ASIC2: variants seen among roughly 807,000 people sequenced by gnomAD.
The protein encoded by ASIC2 is acid sensing ion channel subunit 2.
ASIC2 carries 25 observed loss-of-function variants against 57.3 expected under a neutral mutation model. The ratio of observed to expected loss-of-function variants is 0.44; its 90% CI spans 0.32 to 0.61. The LOEUF (loss-of-function observed/expected upper bound fraction) is 0.61, where lower values mean the gene tolerates loss of function less well. Ranked by LOEUF, ASIC2 falls within the 20% of genes least tolerant of loss-of-function variation. The probability of loss-of-function intolerance (pLI) is 0.06; values close to 1 mark genes in which losing one functional copy is unlikely to be tolerated. For synonymous variants in ASIC2, 319 were observed against 307.5 expected, an observed-to-expected ratio of 1.04 and a Z score of -0.39; for missense variants, 641 against 738.1, an observed-to-expected ratio of 0.87 and a Z score of 1.52.
chr17:34,039,298 T>C, intron 1 of ASIC2: 2 of 1,613,976 alleles, frequency 1.2e-6, no homozygotes, highest in South Asian at 1.1e-5. Context: ...GCAGGAATGC[T>C]CTGTGTTGCC....
chr17:33,598,746 C>T (rs1905047654), intron 1 of ASIC2, among the ~76,000 whole-genome samples: 1 of 152,166 alleles, frequency 6.6e-6, no homozygotes. Flanking sequence ...AATACCAGTG[C>T]TGGGCTGTAA....
intron 1 of ASIC2, among the ~76,000 whole-genome samples, chr17:34,076,634 A>G (rs542248771): frequency 1.3e-5 from 2 of 152,312 alleles, no homozygotes; most frequent in East Asian, 3.9e-4. Context: ...CTCATTGTTC[A>G]TAATTTGTCT....
chr17:34,128,632 T>C (rs566382647), intron 1 of ASIC2, among the ~76,000 whole-genome samples: 125 of 152,356 alleles, frequency 8.2e-4, no homozygotes, highest in African/African-American at 2.9e-3. Flanking sequence ...GTTCTAGCAC[T>C]AGAACTGTGC....
At chr17:33,535,832 G>T (rs1915210702) in intron 1 of ASIC2, among the ~76,000 whole-genome samples, 1 of 152,218 alleles carries the variant, frequency 6.6e-6, no homozygotes, top group East Asian at 1.9e-4. Context: ...ATGACCACGT[G>T]AAACAGAGTT....
chr17:33,718,073 T>TCTCCCTGTG (rs1275075878), intron 1 of ASIC2, among the ~76,000 whole-genome samples: 1 of 152,088 alleles, frequency 6.6e-6, no homozygotes, highest in Non-Finnish European at 1.5e-5. Flanking sequence ...AGGACACCCC[T>TCTCCCTGTG]CTCCCTGTGC....
intron 1 of ASIC2, among the ~76,000 whole-genome samples, chr17:33,928,765 G>A (rs1915873617): frequency 6.6e-6 from 1 of 152,132 alleles, no homozygotes; most frequent in Admixed American, 6.5e-5. Flanking sequence ...CAGGAAAATG[G>A]AGCAGATCCA....
chr17:33,317,280 C>A (rs969246861), intron 1 of ASIC2, among the ~76,000 whole-genome samples: 1 of 152,158 alleles, frequency 6.6e-6, no homozygotes, highest in African/African-American at 2.4e-5. Flanking sequence ...GCAGTTCCTC[C>A]TGCTGCAATC....
At chr17:33,957,319 C>T (rs759870318) in intron 1 of ASIC2, among the ~76,000 whole-genome samples, 29 of 152,190 alleles carry the variant, frequency 1.9e-4, no homozygotes, top group Non-Finnish European at 2.5e-4. Flanking sequence ...AATATGGAAA[C>T]TAGCCTGACT....
intron 1 of ASIC2, among the ~76,000 whole-genome samples, chr17:33,217,267 A>G (rs1907526799): frequency 6.6e-6 from 1 of 152,200 alleles, no homozygotes; most frequent in African/African-American, 2.4e-5. Context: ...AGAGAGCTAT[A>G]AAAGTTCAGT....
chr17:33,533,440 A>G (rs1422416016), intron 1 of ASIC2: 1 of 152,214 alleles, frequency 6.6e-6, no homozygotes, highest in Non-Finnish European at 1.5e-5. Context: ...ATTTTCTTAA[A>G]GTGCCCTACC....
intron 1 of ASIC2, among the ~76,000 whole-genome samples, chr17:33,544,621 T>C (rs556040387): frequency 1.9e-4 from 29 of 152,310 alleles, no homozygotes; most frequent in Middle Eastern, 3.4e-3. Context: ...GACTCTAAGA[T>C]GCCATCAATT....
intron 1 of ASIC2, among the ~76,000 whole-genome samples, chr17:33,444,675 G>A (rs185126495): frequency 2.0e-5 from 3 of 152,260 alleles, no homozygotes; most frequent in East Asian, 1.9e-4. Flanking sequence ...TGCACTGGCC[G>A]CAGGGAAGGG....
intron 1 of ASIC2, among the ~76,000 whole-genome samples, chr17:33,621,233 T>A (rs1363649331): frequency 6.6e-6 from 1 of 152,198 alleles, no homozygotes; most frequent in South Asian, 2.1e-4. Context: ...ACGTAAGTAA[T>A]ATAATAGAAT....
At chr17:33,195,177 C>G (rs895441106) in intron 1 of ASIC2, among the ~76,000 whole-genome samples, 1 of 152,182 alleles carries the variant, frequency 6.6e-6, no homozygotes, top group African/African-American at 2.4e-5. Flanking sequence ...CAACCCCAAC[C>G]TCCCTGAGCA....
At chr17:33,263,254 G>A (rs1193439307) in intron 1 of ASIC2, among the ~76,000 whole-genome samples, 1 of 152,186 alleles carries the variant, frequency 6.6e-6, no homozygotes, top group Non-Finnish European at 1.5e-5. Flanking sequence ...TTCACCCGCT[G>A]TCTCTCTAAG....
At chr17:33,657,682 G>A (rs536892847) in intron 1 of ASIC2, among the ~76,000 whole-genome samples, 10 of 144,864 alleles carry the variant, frequency 6.9e-5, no homozygotes, top group Non-Finnish European at 1.2e-4. Context: ...CAGCTCCCCC[G>A]AAAGCTTATA....
At chr17:33,783,097 A>G (rs1352731957) in intron 1 of ASIC2, among the ~76,000 whole-genome samples, 1 of 152,110 alleles carries the variant, frequency 6.6e-6, no homozygotes, top group Non-Finnish European at 1.5e-5. Context: ...TTTTCACCCC[A>G]TCACTTTCCA....
chr17:34,094,013 C>G (rs945484918), intron 1 of ASIC2, among the ~76,000 whole-genome samples: 32 of 152,138 alleles, frequency 2.1e-4, no homozygotes, highest in African/African-American at 2.4e-5. Context: ...ACAACGGAGG[C>G]ACCTGATGGT....
intron 1 of ASIC2, chr17:34,036,767 G>A (rs1051294750): frequency 2.2e-5 from 3 of 136,994 alleles, no homozygotes; most frequent in Non-Finnish European, 4.6e-5. Flanking sequence ...AGGGACAACC[G>A]TCAAGTGTTC....
Sources: gnomAD v4.1 joint callset for allele counts (sites outside exome capture counted in the v4.1 genomes callset) on GRCh38, gnomAD v4.1.1 for gene constraint, MANE v1.5 for transcripts, NCBI Gene and HGNC (gene_info 2026-07-23, HGNC 2026-07-21) for gene names.